Variants in CTNNA3 observed in about 807,000 individuals in gnomAD.
CTNNA3 encodes catenin alpha-3.
Under a neutral mutation model 95.7 loss-of-function variants are expected in CTNNA3, and 76 were observed. The ratio of observed to expected loss-of-function variants is 0.79; its 90% CI spans 0.66 to 0.96. The LOEUF is 0.96. Among genes scored for constraint, CTNNA3 ranks in the 40% least tolerant of loss-of-function variants. The pLI is 0.00. For missense variants in CTNNA3, 1,191 were observed against 1,089.8 expected (o/e 1.09, Z -1.31); for synonymous variants, 431 against 374.4 (o/e 1.15, Z -1.74).
chr10:67,309,968 G>A (rs1840719723), intron 5 of CTNNA3, among the ~76,000 whole-genome samples: 1 of 152,076 alleles, frequency 6.6e-6, no homozygotes, highest in South Asian at 2.1e-4. Context: ...CTAAATAGAT[G>A]TTTCTATTTA....
intron 1 of CTNNA3, among the ~76,000 whole-genome samples, chr10:67,657,847 C>CAAAAAAAA (rs200763142): frequency 5.0e-5 from 2 of 40,380 alleles, no homozygotes; most frequent in African/African-American, 9.2e-5. Context: ...AATTCCATCT[C>CAAAAAAAA]AAAAAAAAAA....
intron 15 of CTNNA3, among the ~76,000 whole-genome samples, chr10:66,013,795 C>T (rs1256197362): frequency 6.6e-6 from 1 of 152,114 alleles, no homozygotes; most frequent in Non-Finnish European, 1.5e-5. Context: ...GCTATTATGA[C>T]AGGTGTTTAT....
At chr10:66,362,823 T>G (rs2092686396) in intron 12 of CTNNA3, among the ~76,000 whole-genome samples, 1 of 152,186 alleles carries the variant, frequency 6.6e-6, no homozygotes, top group Non-Finnish European at 1.5e-5. Context: ...ATACATGAAG[T>G]AGTTTTACAG....
intron 7 of CTNNA3, among the ~76,000 whole-genome samples, chr10:67,060,721 C>T (rs1855709628): frequency 1.3e-5 from 2 of 152,132 alleles, no homozygotes; most frequent in Non-Finnish European, 2.9e-5. Flanking sequence ...AGGCATCATT[C>T]CAGATGATGT....
chr10:67,197,720 T>A (rs1331697306), intron 6 of CTNNA3, among the ~76,000 whole-genome samples: 2 of 152,020 alleles, frequency 1.3e-5, no homozygotes, highest in Non-Finnish European at 2.9e-5. Flanking sequence ...ATGAAAAGAG[T>A]TAAAAATCTG....
At chr10:67,684,749 T>C (rs1840697836) in intron 1 of CTNNA3, among the ~76,000 whole-genome samples, 2 of 152,268 alleles carry the variant, frequency 1.3e-5, no homozygotes, top group Admixed American at 6.5e-5. Flanking sequence ...TGTAACTTGA[T>C]GGCCTTGATT....
intron 5 of CTNNA3, among the ~76,000 whole-genome samples, chr10:67,258,756 T>G (rs1866461726): frequency 6.6e-6 from 1 of 152,200 alleles, no homozygotes; most frequent in Non-Finnish European, 1.5e-5. Context: ...ATATGTAATT[T>G]AAATATGCTA....
At chr10:66,496,000 C>G (rs965439680) in intron 11 of CTNNA3, among the ~76,000 whole-genome samples, 3 of 152,100 alleles carry the variant, frequency 2.0e-5, no homozygotes, top group African/African-American at 7.2e-5. Context: ...ACTATTTCCA[C>G]CATGCAGTAA....
At chr10:67,281,860 T>C (rs1312770491) in intron 5 of CTNNA3, among the ~76,000 whole-genome samples, 1 of 152,162 alleles carries the variant, frequency 6.6e-6, no homozygotes, top group African/African-American at 2.4e-5. Context: ...ACAAGAATGA[T>C]AATGATTTCT....
intron 10 of CTNNA3, among the ~76,000 whole-genome samples, chr10:66,582,600 C>T (rs187117730): frequency 6.2e-4 from 94 of 151,678 alleles, no homozygotes; most frequent in South Asian, 6.0e-3. Context: ...TAATTTGACT[C>T]CATGTTTTAC....
intron 5 of CTNNA3, chr10:67,346,800 C>A: frequency 5.1e-6 from 2 of 391,852 alleles, no homozygotes; most frequent in South Asian, 1.8e-5. Context: ...CAAGATCATT[C>A]CCTCATGAAC....
intron 5 of CTNNA3, among the ~76,000 whole-genome samples, chr10:67,423,108 C>G: frequency 6.6e-6 from 1 of 152,062 alleles, no homozygotes; most frequent in East Asian, 1.9e-4. Flanking sequence ...AACAATTAGG[C>G]TTTGCATATA....
intron 12 of CTNNA3, among the ~76,000 whole-genome samples, chr10:66,346,146 G>A (rs1280908531): frequency 6.7e-6 from 1 of 149,118 alleles, no homozygotes; most frequent in East Asian, 2.0e-4. Context: ...TAGAAAGAAT[G>A]TGGAATACAT....
chr10:66,219,351 A>C (rs535964048), intron 13 of CTNNA3, among the ~76,000 whole-genome samples: 2 of 152,240 alleles, frequency 1.3e-5, no homozygotes, highest in East Asian at 3.9e-4. Context: ...TGATTGCTGA[A>C]TCCTGGTTTC....
At chr10:66,982,602 A>C (rs1225544598) in intron 7 of CTNNA3, among the ~76,000 whole-genome samples, 5 of 152,206 alleles carry the variant, frequency 3.3e-5, no homozygotes, top group African/African-American at 9.7e-5. Flanking sequence ...AGGTACTGAA[A>C]TTAGACAAAG....
At chr10:67,296,815 T>C (rs1191223944) in intron 5 of CTNNA3, among the ~76,000 whole-genome samples, 1 of 151,518 alleles carries the variant, frequency 6.6e-6, no homozygotes, top group African/African-American at 2.4e-5. Context: ...GTGCCTGTAA[T>C]CCCAGCTACT....
intron 13 of CTNNA3, among the ~76,000 whole-genome samples, chr10:66,166,547 T>TATC (rs2085143323): frequency 6.6e-6 from 1 of 150,482 alleles, no homozygotes; most frequent in African/African-American, 2.4e-5. Flanking sequence ...TTAAGTAGCT[T>TATC]ATCTATGGTT....
chr10:67,097,865 G>A (rs943037757), intron 7 of CTNNA3: 1 of 1,385,566 alleles, frequency 7.2e-7, no homozygotes, highest in Non-Finnish European at 1.0e-6. Flanking sequence ...AGGAAGATGT[G>A]TTCATTGTGG....
At chr10:66,398,468 A>G (rs1180774252) in intron 11 of CTNNA3, among the ~76,000 whole-genome samples, 1 of 151,908 alleles carries the variant, frequency 6.6e-6, no homozygotes, top group Admixed American at 6.6e-5. Context: ...AATTCTTGCC[A>G]GGACTCAAAC....
Sources: gnomAD v4.1 joint callset for allele counts (sites outside exome capture counted in the v4.1 genomes callset) on GRCh38, gnomAD v4.1.1 for gene constraint, MANE v1.5 for transcripts, NCBI Gene and HGNC (gene_info 2026-07-23, HGNC 2026-07-21) for gene names.